Variants in PARP12 observed in about 807,000 individuals in gnomAD.
The protein encoded by PARP12 is protein mono-ADP-ribosyltransferase PARP12.
Under a neutral mutation model 72.4 loss-of-function variants are expected in PARP12, and 59 were observed. The ratio of observed to expected loss-of-function variants is 0.81; its 90% CI spans 0.66 to 1.01. PARP12 has a LOEUF of 1.01. Among genes scored for constraint, PARP12 ranks in the 50% least tolerant of loss-of-function variants. PARP12 has a pLI of 0.00. For missense variants in PARP12, 851 were observed against 914.0 expected, an observed-to-expected ratio of 0.93 and a Z score of 0.89; for synonymous variants, 403 against 371.4, an observed-to-expected ratio of 1.09 and a Z score of -0.98.
chr7:140,039,733 T>C (rs2116573030), intron 6 of PARP12, among the ~76,000 whole-genome samples: 1 of 152,350 alleles, frequency 6.6e-6, no homozygotes, highest in South Asian at 2.1e-4. Context: ...TGTGGGGTTA[T>C]ACCAGAAACG....
chr7:140,062,567 A>G lies in PARP12; in HGVS notation c.281T>C (p.Leu94Pro). ...GGCGCCGTAGACCATGAACCTGCAG[A>G]GGTGGAGCTGCGCGCAGAGCCCCAC... ...GCVGLCAQLHLCRFMVYGACK... is the reference protein window; with the variant it reads ...GCVGLCAQLHPCRFMVYGACK... Residue 94 changes from leucine to proline, a missense_variant, in exon 1 of 12, where the codon CTC becomes CCC. By Grantham distance (98) the Leu-to-Pro change is moderately conservative. Transcript: ENST00000263549. The G allele has an allele frequency of 6.4e-7, 1 of 1,553,506 alleles. No homozygotes were observed. The highest frequency in any genetic ancestry group is 8.7e-7 in the Non-Finnish European group (1 of 1,154,270).
chr7:140,045,671 C>A (rs887293293), intron 5 of PARP12, among the ~76,000 whole-genome samples: 5 of 151,928 alleles, frequency 3.3e-5, no homozygotes, highest in Admixed American at 6.6e-5. Flanking sequence ...TATATAACGT[C>A]CAAACTAGTA....
intron 5 of PARP12, among the ~76,000 whole-genome samples, chr7:140,043,152 C>A (rs1816566300): frequency 6.6e-6 from 1 of 152,154 alleles, no homozygotes; most frequent in Non-Finnish European, 1.5e-5. Flanking sequence ...TGAGACCGCA[C>A]CACTGCGCTC....
chr7:140,035,927 AAGGAGGAGG>A (rs141105005), intron 7 of PARP12, among the ~76,000 whole-genome samples: 3 of 38,058 alleles, frequency 7.9e-5, no homozygotes, highest in South Asian at 8.2e-4. Context: ...GGAGGAGGAC[AAGGAGGAGG>A]AGGAGGAGGA....
rs1300114243 is a variant in PARP12 at position 140,027,352 on chromosome 7, T to A, written c.1552A>T (p.Asn518Tyr). ...EEYQKVWNLFNRTLPFYFVQK... is the reference protein window; with the variant it reads ...EEYQKVWNLFYRTLPFYFVQK... The stretch of plus-strand genomic sequence containing the variant: ...ACAAAGTAGAAAGGCAGCGTGCGGT[T>A]AAAGAGGTTCCAGACCTTCTGATAC... The change falls in exon 10 of 12, where the codon AAC (asparagine) becomes TAC (tyrosine). Residue 518 changes from asparagine (N) to tyrosine (Y), a missense_variant. By Grantham distance (143) the Asn-to-Tyr change is moderately radical. Coordinates refer to ENST00000263549, the MANE Select transcript of PARP12 (RefSeq NM_022750.4). 1 of 1,614,096 alleles carries A rather than the reference T, an allele frequency of 6.2e-7. No homozygotes were observed. Among genetic ancestry groups the A allele is most frequent in the Non-Finnish European group, 8.5e-7 (1 of 1,179,980 alleles).
chr7:140,057,343 G>A (rs1817229543), intron 2 of PARP12, 190 bp from the exon 3 acceptor site: 9 of 616,746 alleles, frequency 1.5e-5, no homozygotes, highest in Non-Finnish European at 2.5e-5. Context: ...AAAGGGGAAC[G>A]AAATGGAAAG....
chr7:140,052,110 GA>G (rs1218401212), intron 4 of PARP12, among the ~76,000 whole-genome samples: 3 of 152,196 alleles, frequency 2.0e-5, no homozygotes, highest in Non-Finnish European at 4.4e-5. Context: ...ACTCTTCAGA[GA>G]AATGCTTCAG....
intron 4 of PARP12, among the ~76,000 whole-genome samples, chr7:140,047,494 A>T (rs1371113583): frequency 2.0e-5 from 3 of 152,244 alleles, no homozygotes; most frequent in African/African-American, 7.2e-5. Flanking sequence ...TGGACTTCTC[A>T]GCCTCCATAT....
At chr7:140,052,116 C>G (rs1267681243) in intron 4 of PARP12, among the ~76,000 whole-genome samples, 1 of 152,188 alleles carries the variant, frequency 6.6e-6, no homozygotes, top group African/African-American at 2.4e-5. Context: ...CAGAGAAATG[C>G]TTCAGGATCT....
At position 140,062,754 on chromosome 7, in the gene PARP12, T is replaced by A. The variant is rs1307261443; in HGVS notation, c.94A>T (p.Met32Leu). ...TCCAGCGCGTCGGCGCTCAAGCCCATCCGCAAGCGGCGCCGCAGCTCGGGC... is the reference window on the plus strand; with the variant it reads ...TCCAGCGCGTCGGCGCTCAAGCCCAACCGCAAGCGGCGCCGCAGCTCGGGC... ...ELPELRRRLRMGLSADALERL... is the reference protein window; with the variant it reads ...ELPELRRRLRLGLSADALERL... Residue 32 changes from methionine (M) to leucine (L), a missense_variant, in exon 1 of 12, where the codon ATG becomes TTG. Coordinates refer to ENST00000263549, the MANE Select transcript of PARP12 (RefSeq NM_022750.4). 2.2e-6 allele frequency: 3 copies of A among 1,386,172 alleles called. No individual in the cohort carries two copies. 85.9% of individuals were successfully genotyped at this position (1,386,172 alleles called of 1,614,324 possible).
intron 4 of PARP12, among the ~76,000 whole-genome samples, chr7:140,054,201 A>C (rs552247691): frequency 6.6e-6 from 1 of 152,278 alleles, no homozygotes; most frequent in South Asian, 2.1e-4. Context: ...TGTTCACTGG[A>C]TCAATACAGA....
rs2286196 is a variant in PARP12, at chr7:140,027,335, G to A, written c.1569C>T (p.Phe523=). The change falls in exon 10 of 12, where the codon TTC becomes TTT. Residue 523 remains phenylalanine (F), a synonymous_variant. Transcript: ENST00000263549. The part of the protein sequence containing the change: ...VWNLFNRTLP[F]YFVQKIERVQ... ...CTCGCTCAATCTTCTGAACAAAGTA[G>A]AAAGGCAGCGTGCGGTTAAAGAGGT... The A allele has an allele frequency of 0.21, 343,046 of 1,613,778 alleles. 41,941 individuals carry two copies. The highest frequency in any genetic ancestry group is 0.57 in the East Asian group (25,637 of 44,848).
At position 140,045,697 on chromosome 7, in the gene PARP12, G is replaced by A. The variant is rs770589414; in HGVS notation, c.986+1187C>T. Among the ~76,000 whole-genome samples, 47 of 152,102 alleles carry A rather than the reference G, an allele frequency of 3.1e-4. 1 individual carries two copies. The highest frequency in any genetic ancestry group is 2.6e-4 in the Non-Finnish European group (18 of 68,022). ...CAAACTAGTAAAGGGAAAAAACCAA[G>A]TGAGGAAAAAAATCTACAAGAAGAT... is the stretch of plus-strand genomic sequence containing the variant. On this transcript the variant is annotated intron_variant, in intron 5 of 11. Coordinates refer to ENST00000263549, the MANE Select transcript of PARP12 (RefSeq NM_022750.4).
intron 4 of PARP12, among the ~76,000 whole-genome samples, chr7:140,049,830 T>G (rs1816889869): frequency 6.6e-6 from 1 of 152,212 alleles, no homozygotes; most frequent in African/African-American, 2.4e-5. Flanking sequence ...AGCACAGCGG[T>G]AGAGACATAA....
At chr7:140,030,351 A>G (rs1212621705) in intron 8 of PARP12, among the ~76,000 whole-genome samples, 1 of 152,238 alleles carries the variant, frequency 6.6e-6, no homozygotes, top group Non-Finnish European at 1.5e-5. Context: ...TAATCCCAGC[A>G]CTTTGGGAGG....
chr7:140,047,976 T>C (rs1816804326), intron 4 of PARP12, among the ~76,000 whole-genome samples: 1 of 152,000 alleles, frequency 6.6e-6, no homozygotes, highest in Admixed American at 6.6e-5. Flanking sequence ...TTAATGAGAG[T>C]AAGAAGCTGA....
intron 6 of PARP12, chr7:140,038,117 A>G (rs1816294359): frequency 1.0e-6 from 1 of 985,426 alleles, no homozygotes; most frequent in African/African-American, 1.7e-5. Context: ...GGAGCAACGG[A>G]GAGGAGGGCA....
At chr7:140,024,971 G>A in intron 11 of PARP12, 86 bp from the exon 12 acceptor site, 4 of 1,229,296 alleles carry the variant, frequency 3.3e-6, no homozygotes, top group African/African-American at 1.5e-5. Context: ...CTGGTGATGT[G>A]CAACGCCAGG....
chr7:140,025,629 G>A (rs1815709297), intron 11 of PARP12: 3 of 444,236 alleles, frequency 6.8e-6, no homozygotes, highest in Non-Finnish European at 1.4e-5. Flanking sequence ...GAGAGAAGTG[G>A]CAGCATGTTA....
Sources: allele counts gnomAD v4.1 joint callset (sites outside exome capture counted in the v4.1 genomes callset), GRCh38; gene constraint gnomAD v4.1.1; transcripts MANE v1.5; gene names NCBI Gene and HGNC (gene_info 2026-07-23, HGNC 2026-07-21).